Variants in RSU1 observed in about 807,000 individuals in gnomAD.
RSU1 encodes the protein Ras suppressor protein 1.
In RSU1, 26 loss-of-function variants were observed where a neutral mutation model predicts 31.1. That is an observed-to-expected ratio of 0.84 (90% CI 0.61 to 1.16). The LOEUF is 1.16. Ranked by LOEUF, RSU1 falls within the 50% of genes most tolerant of loss-of-function variation. The probability of loss-of-function intolerance (pLI) is 0.00; values close to 1 mark genes in which losing one functional copy is unlikely to be tolerated. For missense variants in RSU1, 320 were observed against 339.1 expected, an observed-to-expected ratio of 0.94 and a Z score of 0.44; for synonymous variants, 164 against 136.3, an observed-to-expected ratio of 1.20 and a Z score of -1.41.
intron 7 of RSU1, among the ~76,000 whole-genome samples, chr10:16,718,158 G>C (rs1836182068): frequency 1.3e-5 from 2 of 150,928 alleles, no homozygotes; most frequent in South Asian, 2.1e-4. Flanking sequence ...TGAATATCTG[G>C]GCCCTGGCTT....
At chr10:16,688,648 A>T (rs763568985) in intron 8 of RSU1, among the ~76,000 whole-genome samples, 30 of 152,162 alleles carry the variant, frequency 2.0e-4, no homozygotes, top group Non-Finnish European at 3.5e-4. Context: ...CCATTTATGA[A>T]GAAAATATAT....
chr10:16,765,184 T>G (rs1837289309), intron 3 of RSU1, among the ~76,000 whole-genome samples: 1 of 152,188 alleles, frequency 6.6e-6, no homozygotes, highest in African/African-American at 2.4e-5. Flanking sequence ...CGGGATGATG[T>G]ACATTGAAGC....
At chr10:16,783,210 C>T (rs578100910) in intron 2 of RSU1, among the ~76,000 whole-genome samples, 2 of 152,094 alleles carry the variant, frequency 1.3e-5, no homozygotes, top group South Asian at 4.2e-4. Context: ...TGTGTCCAGC[C>T]TCCAATATTA....
At chr10:16,722,213 C>G (rs1836278985) in intron 7 of RSU1, among the ~76,000 whole-genome samples, 3 of 152,136 alleles carry the variant, frequency 2.0e-5, no homozygotes, top group African/African-American at 7.2e-5. Flanking sequence ...CAAAGGTATG[C>G]ATGTATCAGA....
chr10:16,675,705 A>C (rs1835214370), intron 8 of RSU1, among the ~76,000 whole-genome samples: 2 of 152,232 alleles, frequency 1.3e-5, no homozygotes, highest in African/African-American at 2.4e-5. Flanking sequence ...AAATGTAAAA[A>C]AGATAGAAGT....
chr10:16,658,770 C>G (rs1267046302), intron 8 of RSU1, among the ~76,000 whole-genome samples: 1 of 152,056 alleles, frequency 6.6e-6, no homozygotes, highest in East Asian at 1.9e-4. Context: ...TTAAGAAGAA[C>G]AGATAAGATT....
In RSU1 at chr10:16,592,976, AAGACTT is replaced by A; in HGVS notation, c.*412_*417del. Reference sequence around the variant, plus strand: ...AATTAGCATATCTCGGTGGTGAAGGAAGACTTTTAATAAAGCAAAATAATGAGTTAG... The same window carrying A: ...AATTAGCATATCTCGGTGGTGAAGGATTAATAAAGCAAAATAATGAGTTAG... On this transcript the variant is annotated 3_prime_UTR_variant, in exon 9 of 9. Transcript: ENST00000345264. The A allele has an allele frequency of 6.7e-6, 1 of 148,360 alleles. No homozygotes were observed. The highest frequency in any genetic ancestry group is 1.5e-5 in the Non-Finnish European group (1 of 66,752). 9.2% of individuals were successfully genotyped at this position (148,360 alleles called of 1,614,324 possible). A position where few individuals can be genotyped will look rare whatever the true frequency, so the allele number is the denominator to read the frequency against.
At chr10:16,692,059 A>G (rs1434107456) in intron 8 of RSU1, among the ~76,000 whole-genome samples, 1 of 152,192 alleles carries the variant, frequency 6.6e-6, no homozygotes, top group African/African-American at 2.4e-5. Context: ...CACCCAGCCT[A>G]CTGAAACTTT....
intron 7 of RSU1, among the ~76,000 whole-genome samples, chr10:16,707,842 T>C (rs747535889): frequency 6.6e-6 from 1 of 152,188 alleles, no homozygotes; most frequent in African/African-American, 2.4e-5. Flanking sequence ...AGTAGTTGCA[T>C]AGTTTTGGGT....
chr10:16,750,196 A>T (rs574628844), intron 7 of RSU1, among the ~76,000 whole-genome samples: 24 of 151,632 alleles, frequency 1.6e-4, no homozygotes, highest in African/African-American at 3.1e-4. Context: ...TTGACTTTTT[A>T]AAAAAAATCA....
At chr10:16,669,013 T>C (rs7088378) in intron 8 of RSU1, among the ~76,000 whole-genome samples, 14,330 of 152,236 alleles carry the variant, frequency 0.094, 1,279 homozygotes, top group African/African-American at 0.23. Context: ...TTTCCTTTAA[T>C]ACTGTTGTGC....
At chr10:16,637,826 A>G (rs1047188198) in intron 8 of RSU1, among the ~76,000 whole-genome samples, 7 of 152,172 alleles carry the variant, frequency 4.6e-5, no homozygotes, top group African/African-American at 9.7e-5. Flanking sequence ...GATCCTCAAA[A>G]AAAAAAAAAG....
intron 8 of RSU1, among the ~76,000 whole-genome samples, chr10:16,655,448 C>A (rs926822368): frequency 2.6e-5 from 4 of 151,964 alleles, no homozygotes; most frequent in Non-Finnish European, 5.9e-5. Context: ...TACAAAGTGG[C>A]GATGATTATG....
At chr10:16,782,371 G>C (rs1476707994) in intron 2 of RSU1, among the ~76,000 whole-genome samples, 1 of 152,260 alleles carries the variant, frequency 6.6e-6, no homozygotes, top group East Asian at 1.9e-4. Flanking sequence ...GTGGCGCCCC[G>C]ACCTGCTTGC....
At chr10:16,596,190 C>T (rs1471786906) in intron 8 of RSU1, among the ~76,000 whole-genome samples, 1 of 152,118 alleles carries the variant, frequency 6.6e-6, no homozygotes, top group Non-Finnish European at 1.5e-5. Context: ...CCAAAGATAC[C>T]TGTGTTCAAG....
chr10:16,628,984 C>T (rs1044586836), intron 8 of RSU1, among the ~76,000 whole-genome samples: 8 of 152,178 alleles, frequency 5.3e-5, no homozygotes, highest in Non-Finnish European at 1.0e-4. Context: ...TCCCTCCTCA[C>T]TGTCCTCCAT....
At chr10:16,794,543 A>G (rs2131664396) in intron 2 of RSU1, among the ~76,000 whole-genome samples, 1 of 152,316 alleles carries the variant, frequency 6.6e-6, no homozygotes, top group Middle Eastern at 3.4e-3. Flanking sequence ...TTTAGAAATC[A>G]TGGTTATAGA....
chr10:16,722,130 T>C (rs1836277062), intron 7 of RSU1, among the ~76,000 whole-genome samples: 1 of 152,192 alleles, frequency 6.6e-6, no homozygotes, highest in Admixed American at 6.5e-5. Context: ...TATTACAGTA[T>C]ATTGTTATAA....
At chr10:16,623,020 TTCTAA>T (rs1834096103) in intron 8 of RSU1, among the ~76,000 whole-genome samples, 1 of 152,210 alleles carries the variant, frequency 6.6e-6, no homozygotes, top group African/African-American at 2.4e-5. Flanking sequence ...AAAAAGTACA[TTCTAA>T]TCTTTTTTTT....
Sources: gnomAD v4.1 joint callset for allele counts (sites outside exome capture counted in the v4.1 genomes callset) on GRCh38, gnomAD v4.1.1 for gene constraint, MANE v1.5 for transcripts, NCBI Gene and HGNC (gene_info 2026-07-23, HGNC 2026-07-21) for gene names.